Variants in SBF2 observed in about 807,000 individuals in gnomAD.
The protein encoded by SBF2 is myotubularin-related protein 13.
In SBF2, 112 loss-of-function variants were observed where a neutral mutation model predicts 225.2. That is an observed-to-expected ratio of 0.50 (90% CI 0.43 to 0.58). The LOEUF (loss-of-function observed/expected upper bound fraction) is 0.58, where lower values mean the gene tolerates loss of function less well. Among genes scored for constraint, SBF2 ranks in the 20% least tolerant of loss-of-function variants. The pLI, the probability that SBF2 is intolerant of heterozygous loss-of-function variation, is 0.00. For missense variants in SBF2, 1,996 were observed against 2,206.2 expected (o/e 0.90, Z 1.91); for synonymous variants, 763 against 773.3 (o/e 0.99, Z 0.22).
intron 2 of SBF2, among the ~76,000 whole-genome samples, chr11:10,169,348 C>A (rs1956098869): frequency 6.6e-6 from 1 of 152,172 alleles, no homozygotes; most frequent in Non-Finnish European, 1.5e-5. Context: ...CTACCCTTCC[C>A]AGCATCTGGT....
chr11:10,187,755 G>GA (rs1418235553), intron 2 of SBF2, among the ~76,000 whole-genome samples: 2 of 151,278 alleles, frequency 1.3e-5, no homozygotes, highest in East Asian at 1.9e-4. Context: ...TAAATAAGGG[G>GA]AAAAAAAACC....
intron 6 of SBF2, among the ~76,000 whole-genome samples, chr11:10,010,323 A>G (rs2134550050): frequency 6.6e-6 from 1 of 152,064 alleles, no homozygotes; most frequent in Middle Eastern, 3.4e-3. Context: ...GCCCATGCCT[A>G]TGTATTGGTA....
chr11:10,036,455 T>C (rs992600870), intron 3 of SBF2, among the ~76,000 whole-genome samples: 1 of 152,158 alleles, frequency 6.6e-6, no homozygotes, highest in Non-Finnish European at 1.5e-5. Context: ...TGACTTGCAA[T>C]AGTATTCTGC....
In SBF2 at chr11:10,086,645, T is replaced by C. The variant is rs528140089; in HGVS notation, c.142-43664A>G. Among the ~76,000 whole-genome samples, 3 of 152,304 alleles carry C rather than the reference T, an allele frequency of 2.0e-5. No individual in the cohort carries two copies. The South Asian group carries it at 6.2e-4, about 32-fold the overall frequency. ...GCACTTTTGTATTTCAATTTCCTCC[T>C]TTATAAAACAGGTATAATAATGTCT... On this transcript the variant is annotated intron_variant, in intron 2 of 39. Transcript: ENST00000256190.
rs376602790 is a variant in SBF2 at position 9,895,902 on chromosome 11, G to A, written c.1929+41C>T. 6 of 1,411,308 alleles carry A rather than the reference G, an allele frequency of 4.3e-6. No individual in the cohort carries two copies. In the African/African-American group the frequency reaches 8.4e-5, roughly 20 times the overall value. 87.4% of individuals were successfully genotyped at this position (1,411,308 alleles called of 1,614,324 possible). ...AATAAATCAAACTGAATACATTTAT[G>A]TAAATCATAACAAGCTTATATATGG... On this transcript the variant is annotated intron_variant, in intron 17 of 39. Transcript: ENST00000256190.
intron 2 of SBF2, among the ~76,000 whole-genome samples, chr11:10,173,859 C>A (rs892799571): frequency 6.6e-6 from 1 of 151,536 alleles, no homozygotes; most frequent in Non-Finnish European, 1.5e-5. Flanking sequence ...GACCCCTGAC[C>A]CCCGAGCAGC....
chr11:10,060,547 C>T (rs1950401649), intron 2 of SBF2, among the ~76,000 whole-genome samples: 1 of 152,146 alleles, frequency 6.6e-6, no homozygotes, highest in South Asian at 2.1e-4. Context: ...CAGCATCATC[C>T]TGATACCTAA....
rs58743421 is a variant in SBF2 at position 10,257,664 on chromosome 11, C to CAAA, written c.55+36348_55+36350dup. Among the ~76,000 whole-genome samples the CAAA allele has an allele frequency of 2.4e-3, 93 of 39,064 alleles. 5 individuals are homozygous for CAAA. The highest frequency in any genetic ancestry group is 3.0e-3 in the Non-Finnish European group (75 of 24,726). 25.6% of individuals were successfully genotyped at this position (39,064 alleles called of 152,430 possible). ...TGGGTGACAGAGTGAGGCCTTGCCT[C>CAAA]AAAAAAAAAAAAAAAAAAAAAAAAA... On this transcript the variant is annotated intron_variant, in intron 1 of 39. Coordinates refer to ENST00000256190, the MANE Select transcript of SBF2 (RefSeq NM_030962.4).
chr11:9,842,902 T>A, intron 24 of SBF2, 132 bp from the exon 25 acceptor site: 1 of 806,478 alleles, frequency 1.2e-6, no homozygotes, highest in Non-Finnish European at 2.0e-6. Flanking sequence ...TTGTTAAGCC[T>A]CTCCTTCTTT....
At chr11:9,784,621 T>TGG (rs895061730) in intron 37 of SBF2, among the ~76,000 whole-genome samples, 183 bp from the exon 38 acceptor site, 12 of 152,204 alleles carry the variant, frequency 7.9e-5, no homozygotes, top group African/African-American at 2.7e-4. Flanking sequence ...TGCTTTCTGC[T>TGG]GGGATTACCA....
At chr11:9,923,627 T>A (rs1411752279) in intron 16 of SBF2, among the ~76,000 whole-genome samples, 1 of 152,312 alleles carries the variant, frequency 6.6e-6, no homozygotes, top group East Asian at 1.9e-4. Context: ...TGGTTGTAGA[T>A]CTTCACCATT....
chr11:10,259,945 T>C (rs1961267663), intron 1 of SBF2, among the ~76,000 whole-genome samples: 1 of 152,184 alleles, frequency 6.6e-6, no homozygotes, highest in Non-Finnish European at 1.5e-5. Flanking sequence ...CTACCATTTA[T>C]TAGCTGATTT....
intron 29 of SBF2, among the ~76,000 whole-genome samples, chr11:9,813,147 T>C (rs1318936022): frequency 2.6e-5 from 4 of 152,202 alleles, no homozygotes; most frequent in Admixed American, 2.6e-4. Context: ...TGGTAAGGGA[T>C]AGGTAACACA....
chr11:9,993,800 T>G, intron 10 of SBF2, 121 bp downstream of exon 10: 1 of 991,700 alleles, frequency 1.0e-6, no homozygotes. Flanking sequence ...AATTTCTAAT[T>G]TGGGGCACTT....
chr11:10,282,313 A>G (rs1963464615), intron 1 of SBF2, among the ~76,000 whole-genome samples: 1 of 152,072 alleles, frequency 6.6e-6, no homozygotes, highest in African/African-American at 2.4e-5. Flanking sequence ...TTTTTCTCTG[A>G]GTACAATTCT....
intron 30 of SBF2, chr11:9,809,296 T>C: frequency 3.2e-6 from 1 of 308,960 alleles, no homozygotes; most frequent in South Asian, 3.7e-5. Flanking sequence ...TAAGACCCCA[T>C]CTCAATGAAA....
At chr11:10,250,530 A>G (rs1383943257) in intron 1 of SBF2, among the ~76,000 whole-genome samples, 4 of 152,232 alleles carry the variant, frequency 2.6e-5, no homozygotes, top group East Asian at 1.9e-4. Flanking sequence ...GTTTGGTTCC[A>G]TATTTCTGGG....
chr11:10,077,928 A>C (rs1951186643), intron 2 of SBF2, among the ~76,000 whole-genome samples: 2 of 152,232 alleles, frequency 1.3e-5, no homozygotes, highest in South Asian at 4.1e-4. Flanking sequence ...AAAGAACTTA[A>C]ACAAATTTAC....
intron 17 of SBF2, among the ~76,000 whole-genome samples, chr11:9,872,984 A>C (rs1290888666): frequency 1.3e-5 from 2 of 152,014 alleles, no homozygotes; most frequent in Non-Finnish European, 2.9e-5. Context: ...TATGCCATAG[A>C]TCATGAGGTC....
Sources: allele counts gnomAD v4.1 joint callset (sites outside exome capture counted in the v4.1 genomes callset), GRCh38; gene constraint gnomAD v4.1.1; transcripts MANE v1.5; gene names NCBI Gene and HGNC (gene_info 2026-07-23, HGNC 2026-07-21).